The following CALN1 variants were observed in gnomAD, a reference collection of about 807,000 sequenced individuals.
CALN1 encodes calcium-binding protein 8.
CALN1 carries 17 observed loss-of-function variants against 30.6 expected under a neutral mutation model. The ratio of observed to expected loss-of-function variants is 0.56; its 90% confidence interval spans 0.38 to 0.83. CALN1 has a LOEUF of 0.83. Ranked by LOEUF, CALN1 falls within the 40% of genes least tolerant of loss-of-function variation. The pLI, the probability that CALN1 is intolerant of heterozygous loss-of-function variation, is 0.00. For synonymous variants in CALN1, 156 were observed against 131.4 expected (o/e 1.19, Z -1.28); for missense variants, 291 against 354.9 (o/e 0.82, Z 1.45).
At chr7:71,911,146 T>C (rs1353747867) in intron 5 of CALN1, among the ~76,000 whole-genome samples, 1 of 152,190 alleles carries the variant, frequency 6.6e-6, no homozygotes, top group Non-Finnish European at 1.5e-5. Context: ...GACTGTGCCA[T>C]TTTGGGATTG....
chr7:72,463,529 G>A, the CALN1 span, among the ~76,000 whole-genome samples: 30 of 152,112 alleles, frequency 2.0e-4, no homozygotes, highest in Non-Finnish European at 3.1e-4. Flanking sequence ...CCCAACATTG[G>A]AGTTTTGCAA....
the CALN1 span, among the ~76,000 whole-genome samples, chr7:72,452,804 T>C: frequency 1.3e-5 from 2 of 152,220 alleles, no homozygotes; most frequent in East Asian, 3.9e-4. Context: ...GCTTCAAAAT[T>C]GGCCTGTATG....
At chr7:71,881,849 G>C (rs139695096) in intron 5 of CALN1, among the ~76,000 whole-genome samples, 1 of 151,688 alleles carries the variant, frequency 6.6e-6, no homozygotes, top group Non-Finnish European at 1.5e-5. Flanking sequence ...TAGGTGGGAG[G>C]ATTGCTTGAG....
chr7:72,047,181 C>G (rs543896487), intron 4 of CALN1, among the ~76,000 whole-genome samples: 13 of 152,162 alleles, frequency 8.5e-5, no homozygotes, highest in African/African-American at 3.1e-4. Flanking sequence ...AAATTATTCA[C>G]TATCAGAGAC....
chr7:72,074,983 C>G (rs1804638938), intron 4 of CALN1, among the ~76,000 whole-genome samples: 1 of 152,192 alleles, frequency 6.6e-6, no homozygotes, highest in Non-Finnish European at 1.5e-5. Context: ...AGAATGGAAG[C>G]ATTACTTCTA....
intron 5 of CALN1, among the ~76,000 whole-genome samples, chr7:71,929,958 T>C (rs748080078): frequency 6.6e-6 from 1 of 152,352 alleles, no homozygotes; most frequent in South Asian, 2.1e-4. Context: ...AATCCACGGC[T>C]GCTCAAGCAT....
chr7:72,422,220 G>A (rs1004087506), intron 1 of CALN1, among the ~76,000 whole-genome samples: 3 of 152,086 alleles, frequency 2.0e-5, no homozygotes, highest in Admixed American at 6.5e-5. Context: ...TTCCATAGTG[G>A]CCGTACTACT....
intron 4 of CALN1, among the ~76,000 whole-genome samples, chr7:72,088,024 C>T (rs754535531): frequency 4.6e-5 from 7 of 152,090 alleles, no homozygotes; most frequent in Admixed American, 1.3e-4. Context: ...AAAAATTTGC[C>T]AGGTGTGGTT....
intron 6 of CALN1, among the ~76,000 whole-genome samples, chr7:71,809,772 C>G (rs1263210920): frequency 1.3e-5 from 2 of 151,636 alleles, no homozygotes; most frequent in Non-Finnish European, 2.9e-5. Context: ...TCCAGAGAAC[C>G]TTATTTCTTC....
intron 4 of CALN1, among the ~76,000 whole-genome samples, chr7:72,104,538 C>G (rs1464966998): frequency 6.6e-6 from 1 of 152,126 alleles, no homozygotes; most frequent in Non-Finnish European, 1.5e-5. Context: ...CTATTCTTCC[C>G]AATGCTCTCC....
intron 2 of CALN1, among the ~76,000 whole-genome samples, chr7:72,365,165 C>A (rs1396962723): frequency 2.0e-5 from 3 of 152,072 alleles, no homozygotes. Flanking sequence ...ATTAGCCAGG[C>A]CTGGTGGCAT....
chr7:72,027,291 G>T (rs73368174), intron 4 of CALN1, among the ~76,000 whole-genome samples: 43,295 of 152,032 alleles, frequency 0.28, 9,609 homozygotes, highest in African/African-American at 0.62. Context: ...TGGTTCTTTT[G>T]CCCAGGTACT....
At chr7:72,168,339 T>C (rs1478314009) in intron 3 of CALN1, among the ~76,000 whole-genome samples, 1 of 152,154 alleles carries the variant, frequency 6.6e-6, no homozygotes, top group Non-Finnish European at 1.5e-5. Flanking sequence ...CAAAGGTTGA[T>C]TATTTGTGAA....
At chr7:72,295,357 C>G (rs113380964) in intron 2 of CALN1, among the ~76,000 whole-genome samples, 3 of 151,974 alleles carry the variant, frequency 2.0e-5, no homozygotes, top group African/African-American at 4.8e-5. Flanking sequence ...AGCAAAGGAG[C>G]ATTCATATGA....
At chr7:71,789,808 A>C (rs1793210907) in intron 6 of CALN1, among the ~76,000 whole-genome samples, 1 of 152,152 alleles carries the variant, frequency 6.6e-6, no homozygotes, top group Non-Finnish European at 1.5e-5. Context: ...GAAACAGATA[A>C]ATGGAAATAA....
upstream of CALN1, among the ~76,000 whole-genome samples, chr7:72,413,831 A>G (rs1336734823): frequency 6.6e-6 from 1 of 150,524 alleles, no homozygotes; most frequent in Non-Finnish European, 1.5e-5. Context: ...TGCATGGCAC[A>G]TACACAAACA....
intron 5 of CALN1, among the ~76,000 whole-genome samples, chr7:71,907,754 C>T (rs1794219389): frequency 6.6e-6 from 1 of 152,178 alleles, no homozygotes; most frequent in Non-Finnish European, 1.5e-5. Context: ...ATGTAGATAT[C>T]CTTAGGAGAT....
chr7:72,189,178 T>C (rs1432852616), intron 3 of CALN1, among the ~76,000 whole-genome samples: 3 of 152,134 alleles, frequency 2.0e-5, no homozygotes, highest in African/African-American at 7.2e-5. Flanking sequence ...CTGAGAATCG[T>C]TGTGGATTAT....
intron 2 of CALN1, among the ~76,000 whole-genome samples, chr7:72,339,101 T>G (rs543251451): frequency 6.6e-6 from 1 of 152,252 alleles, no homozygotes; most frequent in Admixed American, 6.5e-5. Context: ...TTTATTTTAC[T>G]TAACATAATG....
Sources: gnomAD v4.1 joint callset for allele counts (sites outside exome capture counted in the v4.1 genomes callset) on GRCh38, gnomAD v4.1.1 for gene constraint, MANE v1.5 for transcripts, NCBI Gene and HGNC (gene_info 2026-07-23, HGNC 2026-07-21) for gene names.